The following CSMD1 variants were observed in gnomAD, a reference collection of about 807,000 sequenced individuals.
The protein encoded by CSMD1 is CUB and sushi domain-containing protein 1.
A neutral mutation model predicts 417.5 loss-of-function variants in CSMD1; 213 were observed. The observed-to-expected ratio is 0.51, with a 90% CI of 0.46 to 0.57. The LOEUF is 0.57. Among genes scored for constraint, CSMD1 ranks in the 20% least tolerant of loss-of-function variants. The pLI, the probability that CSMD1 is intolerant of heterozygous loss-of-function variation, is 0.00. For synonymous variants in CSMD1, 2,862 were observed against 1,736.8 expected, an observed-to-expected ratio of 1.65 and a Z score of -16.11; for missense variants, 6,923 against 4,529.7, an observed-to-expected ratio of 1.53 and a Z score of -15.17.
At chr8:3,184,389 C>T (rs571728360) in intron 36 of CSMD1, among the ~76,000 whole-genome samples, 2 of 152,296 alleles carry the variant, frequency 1.3e-5, no homozygotes, top group African/African-American at 4.8e-5. Context: ...GACACAGCCT[C>T]AAAAACTTGA....
chr8:3,945,712 T>C (rs935492413), intron 5 of CSMD1, among the ~76,000 whole-genome samples: 4 of 152,096 alleles, frequency 2.6e-5, no homozygotes, highest in African/African-American at 9.7e-5. Context: ...TTAAAGCTCA[T>C]TTCCTTACCT....
chr8:3,601,474 A>T (rs1300627444), intron 8 of CSMD1, among the ~76,000 whole-genome samples: 2 of 152,184 alleles, frequency 1.3e-5, no homozygotes, highest in Non-Finnish European at 2.9e-5. Context: ...ATCTCATATC[A>T]CGGATGACAT....
chr8:3,870,882 A>G (rs1171308336), intron 5 of CSMD1, among the ~76,000 whole-genome samples: 1 of 152,072 alleles, frequency 6.6e-6, no homozygotes, highest in Non-Finnish European at 1.5e-5. Flanking sequence ...CCTGAGTTTA[A>G]TGTTCCGTTT....
intron 2 of CSMD1, among the ~76,000 whole-genome samples, chr8:4,422,674 G>T (rs571950190): frequency 6.6e-6 from 1 of 152,008 alleles, no homozygotes; most frequent in African/African-American, 2.4e-5. Flanking sequence ...ATAGTAGTTT[G>T]TTATGGCAGC....
At chr8:3,237,584 T>G (rs992288758) in intron 26 of CSMD1, among the ~76,000 whole-genome samples, 2 of 145,752 alleles carry the variant, frequency 1.4e-5, no homozygotes, top group Admixed American at 1.4e-4. Context: ...ATTTTTATAC[T>G]TATACTATAA....
chr8:4,388,307 C>CACACAG (rs1563121390), intron 3 of CSMD1, among the ~76,000 whole-genome samples: 4 of 106,196 alleles, frequency 3.8e-5, no homozygotes, highest in African/African-American at 1.9e-4. Flanking sequence ...CTGTGATACA[C>CACACAG]ACACACACAC....
intron 26 of CSMD1, among the ~76,000 whole-genome samples, chr8:3,274,196 A>C (rs1424096022): frequency 2.6e-5 from 4 of 151,690 alleles, no homozygotes; most frequent in Non-Finnish European, 4.4e-5. Flanking sequence ...CCCAGTAGTC[A>C]TTCAGGAGCA....
At chr8:4,595,723 T>C (rs1054778956) in intron 2 of CSMD1, among the ~76,000 whole-genome samples, 6 of 152,128 alleles carry the variant, frequency 3.9e-5, no homozygotes, top group Non-Finnish European at 7.4e-5. Context: ...GCAACATAGG[T>C]AGACTTTGTT....
intron 2 of CSMD1, among the ~76,000 whole-genome samples, chr8:4,426,967 G>C (rs6983086): frequency 6.6e-6 from 1 of 151,780 alleles, no homozygotes; most frequent in East Asian, 1.9e-4. Flanking sequence ...GGATAAGACT[G>C]GCCTGGTCTA....
At chr8:3,548,935 G>A (rs765289924) in intron 10 of CSMD1, among the ~76,000 whole-genome samples, 1 of 152,018 alleles carries the variant, frequency 6.6e-6, no homozygotes, top group African/African-American at 2.4e-5. Context: ...AAGTTCTCGC[G>A]TGTTCCTGTG....
At chr8:3,232,711 C>G (rs1390569483) in intron 26 of CSMD1, among the ~76,000 whole-genome samples, 2 of 152,064 alleles carry the variant, frequency 1.3e-5, no homozygotes, top group African/African-American at 4.8e-5. Flanking sequence ...CCTGAAGTTC[C>G]TGCTCTATTT....
At chr8:3,969,997 C>A (rs536560188) in intron 5 of CSMD1, among the ~76,000 whole-genome samples, 26 of 152,296 alleles carry the variant, frequency 1.7e-4, no homozygotes, top group African/African-American at 6.0e-4. Flanking sequence ...ACATTTGATT[C>A]AGTAATTTGG....
chr8:4,351,601 C>A (rs1298419994), intron 3 of CSMD1, among the ~76,000 whole-genome samples: 2 of 152,170 alleles, frequency 1.3e-5, no homozygotes, highest in African/African-American at 4.8e-5. Flanking sequence ...CTGAAAGAGA[C>A]TTCAACTTGT....
intron 49 of CSMD1, among the ~76,000 whole-genome samples, chr8:3,060,334 C>T (rs1318383714): frequency 6.6e-6 from 1 of 151,864 alleles, no homozygotes; most frequent in Non-Finnish European, 1.5e-5. Flanking sequence ...TTAGTACAGA[C>T]AGGGTTTCAC....
intron 3 of CSMD1, among the ~76,000 whole-genome samples, chr8:4,377,621 C>T (rs1436435693): frequency 6.6e-6 from 1 of 152,092 alleles, no homozygotes; most frequent in Non-Finnish European, 1.5e-5. Context: ...ATGTGCAAAA[C>T]TAGAGGTTCA....
chr8:4,810,413 C>A (rs1027088712), intron 1 of CSMD1, among the ~76,000 whole-genome samples: 13 of 152,166 alleles, frequency 8.5e-5, no homozygotes, highest in Non-Finnish European at 1.3e-4. Context: ...TACCTTCAAA[C>A]TCACTATGCA....
At chr8:3,359,434 A>AC in intron 20 of CSMD1, 94 bp from the exon 21 acceptor site, 1 of 947,728 alleles carries the variant, frequency 1.1e-6, no homozygotes, top group East Asian at 2.6e-5. Context: ...ACTAAAAAAA[A>AC]AAAAAAAAAC....
intron 2 of CSMD1, among the ~76,000 whole-genome samples, chr8:4,457,865 C>G (rs1028983182): frequency 9.2e-5 from 14 of 152,112 alleles, no homozygotes; most frequent in Non-Finnish European, 1.6e-4. Flanking sequence ...GGCACCTCCC[C>G]TGGGACAGCT....
chr8:3,238,587 G>T (rs1799299074), intron 26 of CSMD1, among the ~76,000 whole-genome samples: 2 of 152,034 alleles, frequency 1.3e-5, no homozygotes, highest in Admixed American at 6.6e-5. Flanking sequence ...GGAAGATTTT[G>T]TGGTAAGGGG....
Sources: gnomAD v4.1 joint callset for allele counts (sites outside exome capture counted in the v4.1 genomes callset) on GRCh38, gnomAD v4.1.1 for gene constraint, MANE v1.5 for transcripts, NCBI Gene and HGNC (gene_info 2026-07-23, HGNC 2026-07-21) for gene names.